The following PARP8 variants were observed in gnomAD, a reference collection of about 807,000 sequenced individuals.
The protein encoded by PARP8 is poly(ADP-ribose) polymerase family member 8, also known as protein mono-ADP-ribosyltransferase PARP8.
A neutral mutation model predicts 124.1 loss-of-function variants in PARP8; 51 were observed. The observed-to-expected ratio is 0.41, with a 90% CI of 0.33 to 0.52. PARP8 has a LOEUF of 0.52. Among genes scored for constraint, PARP8 ranks in the 20% least tolerant of loss-of-function variants. The pLI is 0.21. For synonymous variants in PARP8, 391 were observed against 361.5 expected (o/e 1.08, Z -0.93); for missense variants, 860 against 1,018.9 (o/e 0.84, Z 2.12).
rs555984060 is a variant in PARP8 at position 50,778,013 on chromosome 5, C to T, written c.519-56C>T. ...ATTTTAAATAAAATAACCTAACACACACCATCTTTTAAGCATCATTAAAAT... is the reference window on the plus strand; with the variant it reads ...ATTTTAAATAAAATAACCTAACACATACCATCTTTTAAGCATCATTAAAAT... On this transcript the variant is annotated intron_variant, in intron 7 of 25. Coordinates refer to ENST00000281631, the MANE Select transcript of PARP8 (RefSeq NM_024615.4). 6.6e-4 allele frequency: 865 copies of T among 1,307,822 alleles called. 1 individual carries two copies. Among genetic ancestry groups the T allele is most frequent in the Middle Eastern group, 2.7e-3 (15 of 5,482 alleles). The allele number at this position is 1,307,822 out of a possible 1,614,324, so 81.0% of individuals were successfully genotyped here.
At chr5:50,763,943 C>A (rs1760809321) in intron 7 of PARP8, among the ~76,000 whole-genome samples, 1 of 152,176 alleles carries the variant, frequency 6.6e-6, no homozygotes, top group Admixed American at 6.5e-5. Flanking sequence ...AGTCTGGCCC[C>A]TTTATGCTCC....
At chr5:50,798,927 C>T (rs931529628) in intron 14 of PARP8, among the ~76,000 whole-genome samples, 1 of 152,062 alleles carries the variant, frequency 6.6e-6, no homozygotes, top group Non-Finnish European at 1.5e-5. Context: ...TATTTGTATT[C>T]TTATTCATGA....
At chr5:50,696,243 C>T (rs970399744) in intron 2 of PARP8, among the ~76,000 whole-genome samples, 1 of 151,932 alleles carries the variant, frequency 6.6e-6, no homozygotes, top group Non-Finnish European at 1.5e-5. Context: ...ACAGAAATAG[C>T]AAAAAGAAAA....
chr5:50,768,420 A>G (rs1761263958), intron 7 of PARP8, among the ~76,000 whole-genome samples: 1 of 152,244 alleles, frequency 6.6e-6, no homozygotes, highest in East Asian at 1.9e-4. Flanking sequence ...GTAGATTAAA[A>G]GAGTAGCTCA....
chr5:50,810,113 T>C, intron 14 of PARP8, among the ~76,000 whole-genome samples: 2 of 152,140 alleles, frequency 1.3e-5, no homozygotes, highest in East Asian at 3.9e-4. Context: ...TAGGGACATA[T>C]ATAAATACAT....
chr5:50,671,091 A>G (rs566713628), intron 2 of PARP8, among the ~76,000 whole-genome samples: 1 of 152,360 alleles, frequency 6.6e-6, no homozygotes, highest in South Asian at 2.1e-4. Context: ...GCTAAGAACT[A>G]TAAAGCAGAG....
At chr5:50,815,028 T>C (rs1744942764) in intron 14 of PARP8, among the ~76,000 whole-genome samples, 1 of 152,162 alleles carries the variant, frequency 6.6e-6, no homozygotes, top group Non-Finnish European at 1.5e-5. Context: ...GAATTCTCCT[T>C]TATATGTTTG....
chr5:50,747,761 CTTTTTTTTTT>C (rs70972943), intron 2 of PARP8, among the ~76,000 whole-genome samples: 52 of 52,934 alleles, frequency 9.8e-4, no homozygotes, highest in Non-Finnish European at 1.6e-3. Context: ...ATAGACCTTG[CTTTTTTTTTT>C]TTTTTTTTTT....
chr5:50,732,133 T>C (rs948520025), intron 2 of PARP8, among the ~76,000 whole-genome samples: 2 of 152,202 alleles, frequency 1.3e-5, no homozygotes, highest in African/African-American at 4.8e-5. Context: ...ACAATCTTTA[T>C]CATCATAAAT....
At chr5:50,828,159 T>TGGTC in intron 20 of PARP8, 103 bp downstream of exon 20, 1 of 1,142,912 alleles carries the variant, frequency 8.7e-7, no homozygotes, top group South Asian at 1.3e-5. Context: ...ATTCAGTAGA[T>TGGTC]GGTCATTCAA....
rs780307231 is a variant in PARP8, at chr5:50,843,872, A to G, written c.*1804A>G. 2.6e-5 allele frequency: 4 copies of G among 151,808 alleles called. No homozygotes were observed. Among genetic ancestry groups the G allele is most frequent in the Admixed American group, 1.3e-4 (2 of 15,180 alleles). The allele number at this position is 151,808 out of a possible 1,614,324, so 9.4% of individuals were successfully genotyped here. ...AATTAGTCTATACGTTAGACAGTCTATACATGACAAACATGAAGATCTAAT... is the reference window on the plus strand; with the variant it reads ...AATTAGTCTATACGTTAGACAGTCTGTACATGACAAACATGAAGATCTAAT... On this transcript the variant is annotated 3_prime_UTR_variant, in exon 26 of 26. Coordinates refer to ENST00000281631, the MANE Select transcript of PARP8 (RefSeq NM_024615.4).
chr5:50,745,368 G>T (rs1002556390), intron 2 of PARP8, among the ~76,000 whole-genome samples: 1 of 152,172 alleles, frequency 6.6e-6, no homozygotes, highest in African/African-American at 2.4e-5. Flanking sequence ...ATTGGAAGCT[G>T]ACTAAAATTA....
rs538362751 is a variant in PARP8, at chr5:50,834,201, G to A, written c.2377+153G>A. ...GGGCACAAATGCAAAAACGGGTACC[G>A]TAGAGATCATAAAGGTTCAAACCAA... On this transcript the variant is annotated intron_variant, in intron 24 of 25. Transcript: ENST00000281631. 2.6e-5 allele frequency among the ~76,000 whole-genome samples: 4 copies of A among 152,248 alleles called. No individual in the cohort carries two copies. The South Asian group carries it at 6.2e-4, about 24-fold the overall frequency.
chr5:50,775,245 A>T (rs1739855095), intron 7 of PARP8, among the ~76,000 whole-genome samples: 1 of 152,218 alleles, frequency 6.6e-6, no homozygotes, highest in Non-Finnish European at 1.5e-5. Flanking sequence ...AGATCACGCC[A>T]CTGCACTCCA....
chr5:50,815,939 C>A (rs140023891), intron 15 of PARP8, among the ~76,000 whole-genome samples: 1 of 151,884 alleles, frequency 6.6e-6, no homozygotes, highest in African/African-American at 2.4e-5. Flanking sequence ...TTCAGTTTTA[C>A]AGAGCAGTGT....
chr5:50,771,925 A>T (rs1437569205), intron 7 of PARP8, among the ~76,000 whole-genome samples: 1 of 152,188 alleles, frequency 6.6e-6, no homozygotes, highest in African/African-American at 2.4e-5. Flanking sequence ...TGTTTACCAT[A>T]GTCATTCTAC....
chr5:50,710,971 A>G (rs1225648341), intron 2 of PARP8, among the ~76,000 whole-genome samples: 1 of 152,142 alleles, frequency 6.6e-6, no homozygotes, highest in Non-Finnish European at 1.5e-5. Context: ...ACACATATAC[A>G]TATGTGCCTG....
chr5:50,812,951 A>G (rs377629007), intron 14 of PARP8, among the ~76,000 whole-genome samples: 1 of 151,968 alleles, frequency 6.6e-6, no homozygotes, highest in African/African-American at 2.4e-5. Flanking sequence ...CCATTGGTCT[A>G]TATCTCTGTT....
rs115775810 is a variant in PARP8 at position 50,731,906 on chromosome 5, C to T, written c.147-18245C>T. On this transcript the variant is annotated intron_variant, in intron 2 of 25. Transcript: ENST00000281631. ...GAGATTATATAAAGTTTGCCCTCTC[C>T]ATAAATATCCCATACATTTGCCACA... is the stretch of plus-strand genomic sequence containing the variant. Among the ~76,000 whole-genome samples the T allele has an allele frequency of 7.5e-3, 1,143 of 152,268 alleles. 15 individuals are homozygous for T. Among genetic ancestry groups the T allele is most frequent in the African/African-American group, 0.026 (1,073 of 41,554 alleles).
Sources: allele counts gnomAD v4.1 joint callset (sites outside exome capture counted in the v4.1 genomes callset), GRCh38; gene constraint gnomAD v4.1.1; transcripts MANE v1.5; gene names NCBI Gene and HGNC (gene_info 2026-07-23, HGNC 2026-07-21).